SEMA3A: variants seen among roughly 807,000 people sequenced by gnomAD.
The protein encoded by SEMA3A is semaphorin 3A.
Under a neutral mutation model 97.9 loss-of-function variants are expected in SEMA3A, and 29 were observed. The ratio of observed to expected loss-of-function variants is 0.30; its 90% CI spans 0.22 to 0.40. The LOEUF is 0.40. Among genes scored for constraint, SEMA3A ranks in the 10% least tolerant of loss-of-function variants. The pLI is 1.00. For missense variants in SEMA3A, 763 were observed against 951.3 expected (o/e 0.80, Z 2.60); for synonymous variants, 321 against 323.7 (o/e 0.99, Z 0.09).
intron 6 of SEMA3A, among the ~76,000 whole-genome samples, chr7:84,016,463 G>A (rs1488808374): frequency 2.0e-5 from 3 of 151,722 alleles, no homozygotes; most frequent in African/African-American, 2.4e-5. Context: ...GCATTAACCC[G>A]GGAGGCGGAG....
intron 2 of SEMA3A, 107 bp downstream of exon 2, chr7:84,134,687 T>C (rs1262005440): frequency 1.2e-6 from 1 of 859,920 alleles, no homozygotes; most frequent in Non-Finnish European, 1.7e-6. Context: ...AAACTATTAA[T>C]TCAAAACAAT....
intron 1 of SEMA3A, among the ~76,000 whole-genome samples, chr7:84,180,655 T>C (rs1483666831): frequency 6.6e-6 from 1 of 151,918 alleles, no homozygotes; most frequent in Non-Finnish European, 1.5e-5. Context: ...GCCACTGCAG[T>C]CCAGCCTGGG....
At chr7:84,217,676 GCA>G (rs1798781250) in intron 3 of SEMA3A, among the ~76,000 whole-genome samples, 1 of 151,902 alleles carries the variant, frequency 6.6e-6, no homozygotes, top group South Asian at 2.1e-4. Context: ...ATCTCTTGAG[GCA>G]AGAGTTCAAT....
intron 3 of SEMA3A, among the ~76,000 whole-genome samples, chr7:84,258,893 C>A (rs1237448854): frequency 6.6e-6 from 1 of 151,730 alleles, no homozygotes; most frequent in Non-Finnish European, 1.5e-5. Context: ...ATTATCTAAA[C>A]CAGAAGGGAT....
chr7:84,354,288 T>C (rs993835681), intron 2 of SEMA3A, among the ~76,000 whole-genome samples: 1 of 151,674 alleles, frequency 6.6e-6, no homozygotes, highest in Non-Finnish European at 1.5e-5. Context: ...TCAAGTGATG[T>C]CAGTTTTTAA....
chr7:84,000,174 A>C (rs1018193506), intron 12 of SEMA3A, among the ~76,000 whole-genome samples: 1 of 149,940 alleles, frequency 6.7e-6, no homozygotes, highest in Non-Finnish European at 1.5e-5. Context: ...TGGCCAACAG[A>C]GTCCATTTGG....
intron 2 of SEMA3A, among the ~76,000 whole-genome samples, chr7:84,355,588 T>C (rs1235590945): frequency 5.3e-5 from 8 of 151,898 alleles, no homozygotes; most frequent in African/African-American, 1.7e-4. Flanking sequence ...AGAACCTACA[T>C]AACTCTTTTA....
intron 2 of SEMA3A, among the ~76,000 whole-genome samples, chr7:84,355,644 C>G (rs374830386): frequency 6.6e-6 from 1 of 151,822 alleles, no homozygotes; most frequent in African/African-American, 2.4e-5. Flanking sequence ...TTCTATATTA[C>G]TCTCATCAGT....
intron 3 of SEMA3A, among the ~76,000 whole-genome samples, chr7:84,248,287 G>GA (rs1799520836): frequency 6.6e-6 from 1 of 152,068 alleles, no homozygotes; most frequent in East Asian, 1.9e-4. Flanking sequence ...GTATTTGAGG[G>GA]AAAATTATTA....
intron 5 of SEMA3A, among the ~76,000 whole-genome samples, chr7:84,060,187 T>A (rs1793156438): frequency 6.6e-6 from 1 of 152,134 alleles, no homozygotes. Context: ...ACACAATGGG[T>A]CTCTGCCAAC....
intron 1 of SEMA3A, among the ~76,000 whole-genome samples, chr7:84,475,159 T>C (rs1013682068): frequency 6.6e-6 from 1 of 151,718 alleles, no homozygotes; most frequent in Non-Finnish European, 1.5e-5. Context: ...TCATACTCCC[T>C]GGTGAATGTG....
intron 2 of SEMA3A, among the ~76,000 whole-genome samples, chr7:84,318,675 T>G (rs1369627426): frequency 6.6e-6 from 1 of 152,168 alleles, no homozygotes; most frequent in Non-Finnish European, 1.5e-5. Flanking sequence ...GATGGATCAG[T>G]GGGCATAAAA....
At chr7:84,071,763 T>A (rs147996958) in intron 4 of SEMA3A, among the ~76,000 whole-genome samples, 1 of 152,162 alleles carries the variant, frequency 6.6e-6, no homozygotes, top group African/African-American at 2.4e-5. Flanking sequence ...TTATTAGATT[T>A]TTTTAAAGGT....
intron 4 of SEMA3A, among the ~76,000 whole-genome samples, chr7:84,097,394 A>C (rs7797860): frequency 0.38 from 58,119 of 152,018 alleles, 13,055 homozygotes; most frequent in African/African-American, 0.63. Context: ...TGAATAGATA[A>C]GTATTTTTTA....
chr7:84,227,956 T>C (rs1799028816), intron 3 of SEMA3A, among the ~76,000 whole-genome samples: 1 of 151,764 alleles, frequency 6.6e-6, no homozygotes, highest in Non-Finnish European at 1.5e-5. Flanking sequence ...GTAGTAGTTG[T>C]ATGGGAATGG....
chr7:84,399,635 T>G (rs531353775), intron 1 of SEMA3A, among the ~76,000 whole-genome samples: 1 of 152,312 alleles, frequency 6.6e-6, no homozygotes, highest in African/African-American at 2.4e-5. Context: ...TCCAGGTCAT[T>G]ATTACTAGGT....
At chr7:84,062,197 T>C (rs1334379730) in intron 4 of SEMA3A, among the ~76,000 whole-genome samples, 3 of 152,256 alleles carry the variant, frequency 2.0e-5, no homozygotes, top group African/African-American at 7.2e-5. Context: ...GTTGTTGCCA[T>C]TATTTTCAAC....
At chr7:83,966,841 A>C (rs1184909123) in intron 15 of SEMA3A, among the ~76,000 whole-genome samples, 2 of 151,764 alleles carry the variant, frequency 1.3e-5, no homozygotes, top group Non-Finnish European at 2.9e-5. Flanking sequence ...ACTCCCTAGT[A>C]GCTGGGATTA....
intron 1 of SEMA3A, among the ~76,000 whole-genome samples, chr7:84,408,253 A>C (rs969320299): frequency 6.6e-6 from 1 of 152,226 alleles, no homozygotes; most frequent in Non-Finnish European, 1.5e-5. Context: ...GACGCTTCTC[A>C]AAAGAAGACA....
Sources: allele counts gnomAD v4.1 joint callset (sites outside exome capture counted in the v4.1 genomes callset), GRCh38; gene constraint gnomAD v4.1.1; transcripts MANE v1.5; gene names NCBI Gene and HGNC (gene_info 2026-07-23, HGNC 2026-07-21).